ZNF26: variants seen among roughly 807,000 people sequenced by gnomAD.
ZNF26 encodes zinc finger protein 26, also known as epididymis luminal protein 179.
In ZNF26, 32 loss-of-function variants were observed where a neutral mutation model predicts 54.9. The observed-to-expected ratio is 0.58, with a 90% CI of 0.44 to 0.78. ZNF26 has a LOEUF of 0.78. Among genes scored for constraint, ZNF26 ranks in the 30% least tolerant of loss-of-function variants. The pLI, the probability that ZNF26 is intolerant of heterozygous loss-of-function variation, is 0.00. For synonymous variants in ZNF26, 221 were observed against 209.2 expected (o/e 1.06, Z -0.49); for missense variants, 524 against 634.0 (o/e 0.83, Z 1.86).
chr12:133,008,601 C>T (rs1219502780), intron 3 of ZNF26, among the ~76,000 whole-genome samples: 2 of 151,798 alleles, frequency 1.3e-5, no homozygotes, highest in Admixed American at 6.6e-5. Flanking sequence ...ATGGTGAAAC[C>T]CCGTCTCTAC....
rs61978624 is a variant in ZNF26, at chr12:133,010,734, G to A, written c.855G>A (p.Pro285=). 64,129 of 1,613,532 alleles carry A rather than the reference G, an allele frequency of 0.04. 1,581 individuals are homozygous for A. The highest frequency in any genetic ancestry group is 0.047 in the Non-Finnish European group (55,190 of 1,179,920). ...LHQRSHTGVK[P]YECSECGKAF... is the part of the protein sequence containing the mutation. ...AGAGAAGTCACACAGGAGTGAAACC[G>A]TATGAATGCAGCGAATGTGGGAAAG... Residue 285 remains proline, a synonymous_variant, in exon 4 of 4, where the codon CCG becomes CCA. Transcript: ENST00000328654.
chr12:133,027,001 C>T lies in ZNF26; in HGVS notation c.*15520C>T, dbSNP rs1447728053. Reference sequence around the variant, plus strand: ...TCTTTGTTATAAAATTCTTAAGAAACTCAGAATAAAATGCAACACCTTTTT... The same window carrying T: ...TCTTTGTTATAAAATTCTTAAGAAATTCAGAATAAAATGCAACACCTTTTT... On this transcript the variant is annotated 3_prime_UTR_variant, in exon 4 of 4. Transcript: ENST00000328654. 1.3e-5 allele frequency: 2 copies of T among 151,978 alleles called. No individual in the cohort carries two copies. The highest frequency in any genetic ancestry group is 2.9e-5 in the Non-Finnish European group (2 of 68,010). The allele number at this position is 151,978 out of a possible 1,614,324, so 9.4% of individuals were successfully genotyped here.
At chr12:132,990,949 C>T (rs1043998330) in intron 1 of ZNF26, among the ~76,000 whole-genome samples, 17 of 152,044 alleles carry the variant, frequency 1.1e-4, no homozygotes, top group Middle Eastern at 3.4e-3. Flanking sequence ...ACCTCTGCCT[C>T]CCAGGTTCAA....
At chr12:133,005,723 C>T (rs1953310812) in intron 1 of ZNF26, 1 of 152,182 alleles carries the variant, frequency 6.6e-6, no homozygotes, top group Admixed American at 6.5e-5. Context: ...GGAAGAGAGA[C>T]CTGAGCTGGC....
At position 133,026,418 on chromosome 12, in the gene ZNF26, G is replaced by A. The variant is rs1010470960; in HGVS notation, c.*14937G>A. ...CTGGCCAATAAGTCTCTTTTTTTAG[G>A]TAATCAAGTTAAAATAATAAGTCAC... On this transcript the variant is annotated 3_prime_UTR_variant, in exon 4 of 4. Coordinates refer to ENST00000328654, the MANE Select transcript of ZNF26 (RefSeq NM_019591.4). The A allele has an allele frequency of 9.3e-5, 14 of 151,038 alleles. No homozygotes were observed. Among genetic ancestry groups the A allele is most frequent in the African/African-American group, 3.4e-4 (14 of 41,050 alleles). 9.4% of individuals were successfully genotyped at this position (151,038 alleles called of 1,614,324 possible). A position where few individuals can be genotyped will look rare whatever the true frequency, so the allele number is the denominator to read the frequency against.
At chr12:132,994,938 A>G (rs1317322678) in intron 1 of ZNF26, among the ~76,000 whole-genome samples, 6 of 152,140 alleles carry the variant, frequency 3.9e-5, no homozygotes, top group Admixed American at 6.5e-5. Context: ...CTGCCCCACT[A>G]TGACAACCAT....
rs2137267350 is a variant in ZNF26, at chr12:133,013,432, A to G, written c.*1951A>G. 1 of 153,060 alleles carries G rather than the reference A, an allele frequency of 6.5e-6. No homozygotes were observed. Among genetic ancestry groups the G allele is most frequent in the Middle Eastern group, 3.4e-3 (1 of 294 alleles). The allele number at this position is 153,060 out of a possible 1,614,324, so 9.5% of individuals were successfully genotyped here. A position where few individuals can be genotyped will look rare whatever the true frequency, so the allele number is the denominator to read the frequency against. On this transcript the variant is annotated 3_prime_UTR_variant, in exon 4 of 4. Transcript: ENST00000328654. The stretch of plus-strand genomic sequence containing the variant: ...TTATCCTCACCCTTCCCCCCCTCAA[A>G]AAGTTATCCCTTGATAATTTGAATA...
intron 3 of ZNF26, among the ~76,000 whole-genome samples, chr12:133,008,796 G>GAA (rs1258007788): frequency 7.8e-6 from 1 of 128,966 alleles, no homozygotes; most frequent in Admixed American, 7.7e-5. Flanking sequence ...AAAAAAAAAA[G>GAA]AAAAACACCT....
chr12:132,997,379 TG>T (rs1301414732), intron 1 of ZNF26, among the ~76,000 whole-genome samples: 1 of 151,968 alleles, frequency 6.6e-6, no homozygotes, highest in Admixed American at 6.6e-5. Context: ...GAAACCCACA[TG>T]GTAGATTAGC....
At chr12:132,987,136 C>T (rs1188165030) in intron 1 of ZNF26, among the ~76,000 whole-genome samples, 1 of 152,202 alleles carries the variant, frequency 6.6e-6, no homozygotes, top group African/African-American at 2.4e-5. Context: ...TGAGGATCCT[C>T]CATCATTTCA....
chr12:132,999,132 C>T (rs1376675251), intron 1 of ZNF26, among the ~76,000 whole-genome samples: 1 of 152,222 alleles, frequency 6.6e-6, no homozygotes, highest in African/African-American at 2.4e-5. Context: ...AATCCAACAG[C>T]TGTTTACACA....
Position 133,011,856 on chromosome 12 carries a change from T to C in ZNF26, c.*375T>C, listed in dbSNP as rs1953481406. The C allele has an allele frequency of 6.3e-6, 1 of 159,158 alleles. No homozygotes were observed. Among genetic ancestry groups the C allele is most frequent in the African/African-American group, 2.4e-5 (1 of 41,568 alleles). The allele number at this position is 159,158 out of a possible 1,614,324, so 9.9% of individuals were successfully genotyped here. ...GTTTTTGTAAAATAAAATCTTGGTA[T>C]GAACAGTTGACTTCATGGTGGAGTA... On this transcript the variant is annotated 3_prime_UTR_variant, in exon 4 of 4. Transcript: ENST00000328654.
chr12:132,998,317 C>T (rs1000733206), intron 1 of ZNF26, among the ~76,000 whole-genome samples: 10 of 152,010 alleles, frequency 6.6e-5, no homozygotes, highest in African/African-American at 2.4e-4. Flanking sequence ...CAGGTGTGTT[C>T]CAGCACGCCT....
At chr12:132,992,714 A>G (rs1005468977) in intron 1 of ZNF26, among the ~76,000 whole-genome samples, 3 of 152,194 alleles carry the variant, frequency 2.0e-5, no homozygotes, top group African/African-American at 7.2e-5. Flanking sequence ...ACTGAAGTGT[A>G]TTGCTTCTGC....
At chr12:132,992,165 T>C (rs983787003) in intron 1 of ZNF26, among the ~76,000 whole-genome samples, 2 of 151,958 alleles carry the variant, frequency 1.3e-5, no homozygotes. Context: ...AAAAAGTGTA[T>C]CTGTGTTTCT....
In ZNF26 at chr12:133,015,353, C is replaced by CAAAAAAAAAAAAAAA. The variant is rs67278075; in HGVS notation, c.*3875_*3889dup. On this transcript the variant is annotated 3_prime_UTR_variant, in exon 4 of 4. Transcript: ENST00000328654. ...TGGGTGACAGAGTGAGACTCTGTCTCAAAAAAAAAAAAAAAAAGAAAAGAA... is the reference window on the plus strand; with the variant it reads ...TGGGTGACAGAGTGAGACTCTGTCTCAAAAAAAAAAAAAAAAAAAAAAAAAAAAAAAAGAAAAGAA... The CAAAAAAAAAAAAAAA allele has an allele frequency of 1.0e-5, 1 of 98,442 alleles. No individual in the cohort carries two copies. The highest frequency in any genetic ancestry group is 4.1e-5 in the African/African-American group (1 of 24,244). 6.1% of individuals were successfully genotyped at this position (98,442 alleles called of 1,614,324 possible).
chr12:133,019,177 T>C lies in ZNF26; in HGVS notation c.*7696T>C, dbSNP rs1953606703. The C allele has an allele frequency of 1.3e-5, 2 of 152,272 alleles. No homozygotes were observed. The highest frequency in any genetic ancestry group is 4.8e-5 in the African/African-American group (2 of 41,560). The allele number at this position is 152,272 out of a possible 1,614,324, so 9.4% of individuals were successfully genotyped here. A position where few individuals can be genotyped will look rare whatever the true frequency, so the allele number is the denominator to read the frequency against. ...AGTCATCAAGAAGATGTAACAATTA[T>C]AAATAGACAATTGGGATTACATCAA... is the stretch of plus-strand genomic sequence containing the variant. On this transcript the variant is annotated 3_prime_UTR_variant, in exon 4 of 4. Transcript: ENST00000328654.
intron 1 of ZNF26, chr12:133,006,095 A>C: frequency 1.0e-6 from 1 of 984,982 alleles, no homozygotes; most frequent in Middle Eastern, 5.2e-4. Context: ...CAGAAACTCC[A>C]TTTCTGAATT....
rs1952834012 is a variant in ZNF26 at position 132,986,888 on chromosome 12, T to A, written c.33+15T>A. The stretch of plus-strand genomic sequence containing the variant: ...CTTCGTGCTGGGTAAGTAGAGACTT[T>A]CCGTGTTTAAAATTCGACTGGATAC... On this transcript the variant is annotated intron_variant, in intron 1 of 3. Transcript: ENST00000328654. 1.9e-6 allele frequency: 3 copies of A among 1,602,530 alleles called. No homozygotes were observed. Among genetic ancestry groups the A allele is most frequent in the African/African-American group, 1.3e-5 (1 of 74,786 alleles).
Sources: gnomAD v4.1 joint callset for allele counts (sites outside exome capture counted in the v4.1 genomes callset) on GRCh38, gnomAD v4.1.1 for gene constraint, MANE v1.5 for transcripts, NCBI Gene and HGNC (gene_info 2026-07-23, HGNC 2026-07-21) for gene names.